DPP6: variants seen among roughly 807,000 people sequenced by gnomAD.
The protein encoded by DPP6 is A-type potassium channel modulatory protein DPP6.
Under a neutral mutation model 122.6 loss-of-function variants are expected in DPP6, and 69 were observed. The observed-to-expected ratio is 0.56, with a 90% CI of 0.46 to 0.69. The LOEUF is 0.69. Ranked by LOEUF, DPP6 falls within the 30% of genes least tolerant of loss-of-function variation. The pLI is 0.00. For synonymous variants in DPP6, 418 were observed against 433.1 expected (o/e 0.97, Z 0.43); for missense variants, 928 against 1,116.9 (o/e 0.83, Z 2.41).
chr7:154,090,436 G>A (rs1376585902), intron 1 of DPP6, among the ~76,000 whole-genome samples: 1 of 152,244 alleles, frequency 6.6e-6, no homozygotes, highest in Non-Finnish European at 1.5e-5. Flanking sequence ...AGTTGAATAT[G>A]TGGATATGCC....
At chr7:153,886,350 C>CG (rs1332632906), upstream of DPP6, among the ~76,000 whole-genome samples, 1 of 152,170 alleles carries the variant, frequency 6.6e-6, no homozygotes, top group Non-Finnish European at 1.5e-5. Context: ...ACCCAGGTCG[C>CG]GGTCACTGGT....
At chr7:154,338,890 C>T (rs1390517136) in intron 1 of DPP6, among the ~76,000 whole-genome samples, 1 of 152,176 alleles carries the variant, frequency 6.6e-6, no homozygotes, top group African/African-American at 2.4e-5. Flanking sequence ...GGTGGCATTG[C>T]CCTGCCCCAT....
chr7:154,644,810 G>A (rs1201357630), intron 6 of DPP6, among the ~76,000 whole-genome samples: 1 of 149,768 alleles, frequency 6.7e-6, no homozygotes, highest in Non-Finnish European at 1.5e-5. Context: ...CCAGGTTCAA[G>A]CAATTCTTCT....
At chr7:154,540,105 C>T (rs551681549) in intron 3 of DPP6, among the ~76,000 whole-genome samples, 5 of 152,292 alleles carry the variant, frequency 3.3e-5, no homozygotes, top group South Asian at 4.1e-4. Context: ...TAGGGGAGCT[C>T]GTGGAGCAGA....
intron 23 of DPP6, among the ~76,000 whole-genome samples, chr7:154,888,231 G>C (rs1270170818): frequency 6.6e-6 from 1 of 151,924 alleles, no homozygotes; most frequent in African/African-American, 2.4e-5. Context: ...TTGGATTACA[G>C]GCACACGCTG....
Position 154,759,516 on chromosome 7 carries a change from G to A in DPP6, c.884-9901G>A, listed in dbSNP as rs556009945. 5.3e-5 allele frequency among the ~76,000 whole-genome samples: 8 copies of A among 152,308 alleles called. No individual in the cohort carries two copies. In the South Asian group the frequency reaches 1.0e-3, roughly 20 times the overall value. On this transcript the variant is annotated intron_variant, in intron 8 of 25. Coordinates refer to ENST00000377770, the MANE Select transcript of DPP6 (RefSeq NM_130797.4). ...CGAGGCCAGGCAGAGGCCACTGTGC[G>A]GTCTTTCCTTCCGCTTCCCTCTCCC...
At chr7:154,279,552 C>T (rs1305252405) in intron 1 of DPP6, among the ~76,000 whole-genome samples, 1 of 152,178 alleles carries the variant, frequency 6.6e-6, no homozygotes, top group Non-Finnish European at 1.5e-5. Flanking sequence ...GCCTGTGGGC[C>T]TTTCAAAAGT....
intron 1 of DPP6, among the ~76,000 whole-genome samples, chr7:154,056,136 G>C (rs1468771490): frequency 6.6e-6 from 1 of 152,146 alleles, no homozygotes; most frequent in Non-Finnish European, 1.5e-5. Flanking sequence ...AGGCAACAAA[G>C]GGACTTCCCA....
chr7:154,553,099 G>A (rs1829751652), intron 4 of DPP6, among the ~76,000 whole-genome samples: 1 of 152,198 alleles, frequency 6.6e-6, no homozygotes, highest in African/African-American at 2.4e-5. Flanking sequence ...TAACCAATAA[G>A]AAAGGGGTTT....
chr7:154,497,077 T>C (rs966212803), intron 3 of DPP6, among the ~76,000 whole-genome samples: 8 of 150,070 alleles, frequency 5.3e-5, no homozygotes, highest in African/African-American at 2.5e-5. Context: ...CATGAACCAT[T>C]GTAGGTTAAA....
At chr7:154,625,642 T>G (rs997290898) in intron 5 of DPP6, among the ~76,000 whole-genome samples, 1 of 152,214 alleles carries the variant, frequency 6.6e-6, no homozygotes, top group African/African-American at 2.4e-5. Context: ...CTCAGTGCTA[T>G]GAGGGACCAG....
chr7:154,085,330 A>G (rs10228598), intron 1 of DPP6, among the ~76,000 whole-genome samples: 34,374 of 152,052 alleles, frequency 0.23, 4,401 homozygotes, highest in African/African-American at 0.35. Context: ...TATCTACCTC[A>G]TCTGAACTGA....
chr7:154,331,335 A>G (rs34724134), intron 1 of DPP6, among the ~76,000 whole-genome samples: 71,216 of 152,070 alleles, frequency 0.47, 18,177 homozygotes, highest in East Asian at 0.7. Flanking sequence ...TCTATGACCT[A>G]CCTGCTGGCA....
Position 153,887,617 on chromosome 7 carries a change from C to T in DPP6, c.-67C>T, listed in dbSNP as rs563257661. The T allele has an allele frequency of 2.9e-4, 455 of 1,587,348 alleles. 4 individuals carry two copies. In the South Asian group the frequency reaches 4.8e-3, roughly 17 times the overall value. On this transcript the variant is annotated 5_prime_UTR_variant, in exon 1 of 26. Transcript: ENST00000404039. ...TTCAGCCAGTCCAGTCTACTTTAAT[C>T]CTCACCAGGACAATGGATTAAGTTT...
intron 1 of DPP6, among the ~76,000 whole-genome samples, chr7:154,247,314 A>C (rs1339028357): frequency 6.6e-6 from 1 of 152,230 alleles, no homozygotes; most frequent in East Asian, 1.9e-4. Context: ...CTCAGTCTCA[A>C]AAAAGAAAAA....
At chr7:154,419,382 AT>A (rs1817272082) in intron 1 of DPP6, among the ~76,000 whole-genome samples, 1 of 152,192 alleles carries the variant, frequency 6.6e-6, no homozygotes, top group Non-Finnish European at 1.5e-5. Context: ...CACATTGACT[AT>A]TTTTTAAAAT....
At chr7:154,563,028 A>G (rs1028174812) in intron 4 of DPP6, among the ~76,000 whole-genome samples, 1 of 152,220 alleles carries the variant, frequency 6.6e-6, no homozygotes, top group African/African-American at 2.4e-5. Context: ...TAAAATATGT[A>G]TTAATATGAT....
intron 1 of DPP6, among the ~76,000 whole-genome samples, chr7:154,203,588 T>C (rs1174684553): frequency 6.6e-6 from 1 of 152,110 alleles, no homozygotes; most frequent in Non-Finnish European, 1.5e-5. Flanking sequence ...CACACCCAAC[T>C]GAGCACCAAG....
intron 1 of DPP6, among the ~76,000 whole-genome samples, chr7:154,062,708 T>G (rs1802176280): frequency 6.1e-5 from 4 of 65,974 alleles, no homozygotes; most frequent in African/African-American, 1.9e-4. Context: ...CGCACCTGGC[T>G]GTTGGTACCC....
Sources: gnomAD v4.1 joint callset for allele counts (sites outside exome capture counted in the v4.1 genomes callset) on GRCh38, gnomAD v4.1.1 for gene constraint, MANE v1.5 for transcripts, NCBI Gene and HGNC (gene_info 2026-07-23, HGNC 2026-07-21) for gene names.